Variants in INPP4B observed in about 807,000 individuals in gnomAD.
INPP4B encodes inositol polyphosphate 4-phosphatase type II.
INPP4B carries 55 observed loss-of-function variants against 122.5 expected under a neutral mutation model. The ratio of observed to expected loss-of-function variants is 0.45; its 90% CI spans 0.36 to 0.56. The LOEUF (loss-of-function observed/expected upper bound fraction) is 0.56, where lower values mean the gene tolerates loss of function less well. Among genes scored for constraint, INPP4B ranks in the 20% least tolerant of loss-of-function variants. INPP4B has a pLI of 0.00. For synonymous variants in INPP4B, 403 were observed against 388.7 expected, an observed-to-expected ratio of 1.04 and a Z score of -0.43; for missense variants, 1,000 against 1,097.7, an observed-to-expected ratio of 0.91 and a Z score of 1.26.
chr4:142,242,299 G>C (rs2627798), intron 11 of INPP4B, among the ~76,000 whole-genome samples: 82,399 of 152,024 alleles, frequency 0.54, 26,354 homozygotes, highest in Non-Finnish European at 0.7. Flanking sequence ...AAAAACATGA[G>C]AGGAGCTCAG....
intron 2 of INPP4B, among the ~76,000 whole-genome samples, chr4:142,651,485 A>G (rs775666138): frequency 6.6e-6 from 1 of 152,156 alleles, no homozygotes; most frequent in Non-Finnish European, 1.5e-5. Context: ...AAGAATAATA[A>G]AGAAGAAAAG....
chr4:142,588,514 A>G (rs10014747), intron 2 of INPP4B, among the ~76,000 whole-genome samples: 2,135 of 151,462 alleles, frequency 0.014, 41 homozygotes, highest in African/African-American at 0.041. Flanking sequence ...GCTATACATT[A>G]GCAATGAACA....
chr4:142,439,265 A>G (rs1811196218), intron 3 of INPP4B, among the ~76,000 whole-genome samples: 1 of 152,102 alleles, frequency 6.6e-6, no homozygotes. Flanking sequence ...TTAAAGCTGT[A>G]CTATAGTCTG....
At chr4:142,306,343 A>G (rs992543415) in intron 8 of INPP4B, among the ~76,000 whole-genome samples, 2 of 151,872 alleles carry the variant, frequency 1.3e-5, no homozygotes, top group Non-Finnish European at 1.5e-5. Context: ...CATGAAAAAG[A>G]GCTCTCATTC....
chr4:142,594,954 C>CAAAA (rs70949177), intron 2 of INPP4B, among the ~76,000 whole-genome samples: 433 of 54,346 alleles, frequency 8.0e-3, no homozygotes, highest in Non-Finnish European at 0.01. Context: ...GACTCTGTCT[C>CAAAA]AAAAAAAAAA....
At chr4:142,410,902 G>T (rs569572114) in intron 5 of INPP4B, among the ~76,000 whole-genome samples, 1 of 152,172 alleles carries the variant, frequency 6.6e-6, no homozygotes, top group South Asian at 2.1e-4. Context: ...AGATATTCCA[G>T]ATTGGTCCTA....
intron 7 of INPP4B, among the ~76,000 whole-genome samples, chr4:142,374,718 A>G (rs2148757973): frequency 6.6e-6 from 1 of 152,032 alleles, no homozygotes; most frequent in South Asian, 2.1e-4. Context: ...TGATCTTCAT[A>G]TAACACAATT....
intron 2 of INPP4B, chr4:142,654,367 T>TTAAAAAAAAAAAAAA (rs766012808): frequency 2.0e-5 from 2 of 100,998 alleles, no homozygotes; most frequent in Admixed American, 1.2e-4. Context: ...ACTTAAAGTA[T>TTAAAAAAAAAAAAAA]AAAAAAAAAA....
At chr4:142,239,463 A>T (rs1398140411) in intron 11 of INPP4B, among the ~76,000 whole-genome samples, 1 of 152,152 alleles carries the variant, frequency 6.6e-6, no homozygotes, top group East Asian at 1.9e-4. Context: ...ACAATATTTA[A>T]ATTTTGTCAA....
chr4:142,570,977 C>T (rs1022662259), intron 2 of INPP4B, among the ~76,000 whole-genome samples: 2 of 151,536 alleles, frequency 1.3e-5, no homozygotes, highest in African/African-American at 4.9e-5. Flanking sequence ...TTCTCCCTGG[C>T]TCCCATTAAA....
chr4:142,465,224 G>A (rs974620786), intron 2 of INPP4B, among the ~76,000 whole-genome samples: 1 of 152,160 alleles, frequency 6.6e-6, no homozygotes, highest in Non-Finnish European at 1.5e-5. Flanking sequence ...TCCTATGTGA[G>A]CCTGAGTCTT....
chr4:142,292,668 T>C (rs910139878), intron 9 of INPP4B, among the ~76,000 whole-genome samples: 7 of 152,236 alleles, frequency 4.6e-5, no homozygotes, highest in Non-Finnish European at 1.0e-4. Flanking sequence ...TGGTCATCAA[T>C]GGATAGATGA....
chr4:142,690,741 C>T lies in INPP4B; in HGVS notation c.-191+35098G>A, dbSNP rs114291311. 8.7e-3 allele frequency among the ~76,000 whole-genome samples: 1,328 copies of T among 152,216 alleles called. 24 individuals carry two copies. The highest frequency in any genetic ancestry group is 0.03 in the African/African-American group (1,263 of 41,536). ...AACTTTCATTAGACTTTTTAAATGA[C>T]TCCCAATACCCACTTTTCTATCCCA... On this transcript the variant is annotated intron_variant, in intron 2 of 25. Coordinates refer to ENST00000262992, the MANE Select transcript of INPP4B (RefSeq NM_001101669.3).
chr4:142,149,628 C>A (rs1179876950), intron 17 of INPP4B, among the ~76,000 whole-genome samples: 2 of 152,076 alleles, frequency 1.3e-5, no homozygotes, highest in Admixed American at 1.3e-4. Context: ...AGGAGCAAGA[C>A]TAGGTTTTAG....
chr4:142,838,696 G>C (rs181262854), intron 1 of INPP4B, among the ~76,000 whole-genome samples: 6 of 152,170 alleles, frequency 3.9e-5, no homozygotes, highest in African/African-American at 1.4e-4. Flanking sequence ...TTTTACAATG[G>C]AATTATATTT....
intron 1 of INPP4B, among the ~76,000 whole-genome samples, chr4:142,828,569 T>C (rs1041988488): frequency 5.9e-5 from 9 of 152,152 alleles, no homozygotes; most frequent in African/African-American, 1.9e-4. Context: ...CAAATCCTTG[T>C]TGGAGAAAAA....
At chr4:142,531,848 C>T (rs1437162132) in intron 2 of INPP4B, among the ~76,000 whole-genome samples, 1 of 152,106 alleles carries the variant, frequency 6.6e-6, no homozygotes, top group Non-Finnish European at 1.5e-5. Context: ...TTCTTAGTTG[C>T]TTCTCAAAAT....
At chr4:142,743,890 T>C (rs1273359272) in intron 1 of INPP4B, among the ~76,000 whole-genome samples, 2 of 151,920 alleles carry the variant, frequency 1.3e-5, no homozygotes, top group Non-Finnish European at 2.9e-5. Context: ...TTACCATGTA[T>C]AACTACTTAT....
At chr4:142,205,083 A>G (rs895858250) in intron 14 of INPP4B, among the ~76,000 whole-genome samples, 1 of 152,112 alleles carries the variant, frequency 6.6e-6, no homozygotes, top group African/African-American at 2.4e-5. Context: ...AGAGAATCAG[A>G]AACTAAACAT....
Sources: allele counts gnomAD v4.1 joint callset (sites outside exome capture counted in the v4.1 genomes callset), GRCh38; gene constraint gnomAD v4.1.1; transcripts MANE v1.5; gene names NCBI Gene and HGNC (gene_info 2026-07-23, HGNC 2026-07-21).